Variants in SOAT2 observed in about 807,000 individuals in gnomAD.
SOAT2 encodes ACAT-2.
A neutral mutation model predicts 76.0 loss-of-function variants in SOAT2; 87 were observed. That is an observed-to-expected ratio of 1.14 (90% CI 0.96 to 1.37). The LOEUF is 1.37. Among genes scored for constraint, SOAT2 ranks in the 40% most tolerant of loss-of-function variants. SOAT2 has a pLI of 0.00. For synonymous variants in SOAT2, 285 were observed against 275.4 expected (o/e 1.03, Z -0.34); for missense variants, 686 against 682.1 (o/e 1.01, Z -0.06).
chr12:53,115,165 T>C (rs1938081644), intron 5 of SOAT2, among the ~76,000 whole-genome samples: 1 of 152,206 alleles, frequency 6.6e-6, no homozygotes, highest in Non-Finnish European at 1.5e-5. Flanking sequence ...CACCATGAAA[T>C]CAGAGAGGGC....
At chr12:53,106,780 A>G (rs1306347698) in intron 5 of SOAT2, among the ~76,000 whole-genome samples, 1 of 152,266 alleles carries the variant, frequency 6.6e-6, no homozygotes, top group Non-Finnish European at 1.5e-5. Context: ...ATCTAAAGAC[A>G]TAAGTGATTA....
intron 5 of SOAT2, among the ~76,000 whole-genome samples, chr12:53,106,527 G>A (rs986059348): frequency 6.6e-6 from 1 of 152,238 alleles, no homozygotes; most frequent in African/African-American, 2.4e-5. Context: ...TCAGAGAGCT[G>A]TATACCCCTG....
chr12:53,105,592 G>A lies in SOAT2; in HGVS notation c.307G>A (p.Val103Ile). The change falls in exon 4 of 15, where the codon GTT (valine) becomes ATT (isoleucine). Residue 103 changes from valine to isoleucine, a missense_variant. Val to Ile is a conservative substitution (Grantham distance 29). Coordinates refer to ENST00000301466, the MANE Select transcript of SOAT2 (RefSeq NM_003578.4). ...GGAGCCATCCCTGGGGAAACAGAAA[G>A]TTTTCATCATCCGCAAGTCCCTGCT... ...TQEPSLGKQK[V>I]FIIRKSLLDE... 1.2e-6 allele frequency: 2 copies of A among 1,611,686 alleles called. No homozygotes were observed. The highest frequency in any genetic ancestry group is 1.7e-6 in the Non-Finnish European group (2 of 1,178,714).
At chr12:53,118,462 G>T in intron 8 of SOAT2, 28 bp downstream of exon 8, 5 of 1,544,226 alleles carry the variant, frequency 3.2e-6, no homozygotes, top group Non-Finnish European at 4.5e-6. Flanking sequence ...TTCCCCAAAT[G>T]CCCAGGCCCA....
At position 53,120,995 on chromosome 12, in the gene SOAT2, CATA is replaced by C. The variant is rs1938181911; in HGVS notation, c.1137+117_1137+119del. ...CACTTCAGCCATGCTGTTCACCTCC[CATA>C]ATAAGAAATGCAGTCCTCTGGATGT... On this transcript the variant is annotated intron_variant, in intron 11 of 14. Transcript: ENST00000301466. The C allele has an allele frequency of 6.0e-6, 5 of 826,536 alleles. No homozygotes were observed. The African/African-American group carries it at 6.7e-5, about 11-fold the overall frequency. The allele number at this position is 826,536 out of a possible 1,614,324, so 51.2% of individuals were successfully genotyped here.
At chr12:53,119,044 G>T in intron 9 of SOAT2, 80 bp from the exon 10 acceptor site, 1 of 1,610,550 alleles carries the variant, frequency 6.2e-7, no homozygotes, top group South Asian at 1.1e-5. Flanking sequence ...GGAAGAGAAG[G>T]CCAGTGCTGG....
chr12:53,119,313 G>A, intron 10 of SOAT2, 60 bp downstream of exon 10: 4 of 1,578,036 alleles, frequency 2.5e-6, no homozygotes, highest in Admixed American at 3.5e-5. Flanking sequence ...ATCAGGGAAG[G>A]CCTTGCTAGT....
chr12:53,114,722 A>G (rs1938076885), intron 5 of SOAT2, among the ~76,000 whole-genome samples: 1 of 151,980 alleles, frequency 6.6e-6, no homozygotes, highest in African/African-American at 2.4e-5. Flanking sequence ...CTCTGTCTCT[A>G]AAAAAAACAG....
intron 5 of SOAT2, 22 bp from the exon 6 acceptor site, chr12:53,115,366 TTG>T: frequency 6.4e-7 from 1 of 1,566,934 alleles, no homozygotes; most frequent in Non-Finnish European, 8.7e-7. Flanking sequence ...CTTGTCTACT[TTG>T]TCTCTCCTTC....
At chr12:53,112,772 T>A (rs1449956768) in intron 5 of SOAT2, among the ~76,000 whole-genome samples, 1 of 149,282 alleles carries the variant, frequency 6.7e-6, no homozygotes, top group Admixed American at 6.6e-5. Context: ...TTTCTTTTTT[T>A]TCTTTCCTTT....
chr12:53,118,569 G>A, intron 8 of SOAT2, 135 bp downstream of exon 8: 1 of 693,502 alleles, frequency 1.4e-6, no homozygotes, highest in South Asian at 1.7e-5. Context: ...AATAAAGATG[G>A]GAAATAGGTG....
chr12:53,107,190 G>A (rs1263326686), intron 5 of SOAT2, among the ~76,000 whole-genome samples: 2 of 152,116 alleles, frequency 1.3e-5, no homozygotes, highest in Non-Finnish European at 1.5e-5. Flanking sequence ...CATGAGAATC[G>A]CAGGGAGATG....
intron 7 of SOAT2, 95 bp from the exon 8 acceptor site, chr12:53,118,244 CTATCCATTTCT>C: frequency 1.9e-5 from 10 of 522,864 alleles, no homozygotes; most frequent in Admixed American, 2.9e-5. Context: ...CACCCCCACC[CTATCCATTTCT>C]CCACTCACCA....
intron 5 of SOAT2, among the ~76,000 whole-genome samples, chr12:53,107,757 G>A (rs1339681662): frequency 6.6e-6 from 1 of 151,614 alleles, no homozygotes; most frequent in Non-Finnish European, 1.5e-5. Flanking sequence ...TGAGTAGCTG[G>A]GACTACAGGC....
At chr12:53,121,433 C>A in intron 12 of SOAT2, 32 bp downstream of exon 12, 3 of 1,528,566 alleles carry the variant, frequency 2.0e-6, no homozygotes, top group Non-Finnish European at 2.7e-6. Flanking sequence ...TCAGCTCTCA[C>A]AGTTAATAGG....
In SOAT2 at chr12:53,104,190, G is replaced by A; in HGVS notation, c.122G>A (p.Trp41Ter). Reference protein sequence around the residue: ...ETHRAPDLVQWTRHMEAVKAQ... With the variant: ...ETHRAPDLVQ ...CACAGAGCCCCGGACTTGGTACAAT[G>A]GACCCGACACATGGAGGTGAGGGAT... The change falls in exon 2 of 15, where the codon TGG (tryptophan) becomes TAG (stop). Residue 41 changes from tryptophan to a stop codon, truncating the protein, a stop_gained. Coordinates refer to ENST00000301466, the MANE Select transcript of SOAT2 (RefSeq NM_003578.4). LOFTEE classifies it high-confidence loss of function. 1 of 1,612,972 alleles carries A rather than the reference G, an allele frequency of 6.2e-7. No individual in the cohort carries two copies. The highest frequency in any genetic ancestry group is 8.5e-7 in the Non-Finnish European group (1 of 1,179,254).
intron 8 of SOAT2, 25 bp from the exon 9 acceptor site, chr12:53,118,865 C>A (rs375535590): frequency 2.2e-4 from 349 of 1,613,452 alleles, no homozygotes; most frequent in Non-Finnish European, 2.8e-4. Flanking sequence ...GAATGAGAAA[C>A]ATATTGTCCC....
Position 53,121,399 on chromosome 12 carries a change from C to T in SOAT2, c.1234C>T (p.Arg412Trp), listed in dbSNP as rs1325192154. The T allele has an allele frequency of 6.8e-6, 11 of 1,612,790 alleles. No individual in the cohort carries two copies. Among genetic ancestry groups the T allele is most frequent in the East Asian group, 2.2e-5 (1 of 44,868 alleles). ...LYSYVYQDGL[R>W]LLGARARGVA... The stretch of plus-strand genomic sequence containing the variant: ...CAGCTACGTGTATCAGGATGGGCTG[C>T]GGGTATGGGCCCTGCAGACCCCTTC... The change falls in exon 12 of 15, where the codon CGG becomes TGG. Residue 412 changes from arginine to tryptophan, a missense_variant and splice_region_variant. By Grantham distance (101) the Arg-to-Trp change is moderately radical. Transcript: ENST00000301466.
intron 14 of SOAT2, 73 bp from the exon 15 acceptor site, chr12:53,124,000 C>T: frequency 6.2e-7 from 1 of 1,603,786 alleles, no homozygotes; most frequent in East Asian, 2.2e-5. Flanking sequence ...GGGTGATGGA[C>T]TCTCACGTCT....
Sources: gnomAD v4.1 joint callset for allele counts (sites outside exome capture counted in the v4.1 genomes callset) on GRCh38, gnomAD v4.1.1 for gene constraint, MANE v1.5 for transcripts, NCBI Gene and HGNC (gene_info 2026-07-23, HGNC 2026-07-21) for gene names.